Variants in TBX19 observed in about 807,000 individuals in gnomAD.
TBX19 encodes the protein T-box transcription factor TBX19.
A neutral mutation model predicts 40.9 loss-of-function variants in TBX19; 33 were observed. That is an observed-to-expected ratio of 0.81 (90% CI 0.61 to 1.08). The LOEUF is 1.08. TBX19 is among the 50% of genes least tolerant of loss of function. TBX19 has a pLI of 0.00. For synonymous variants in TBX19, 220 were observed against 225.0 expected (o/e 0.98, Z 0.20); for missense variants, 494 against 574.0 (o/e 0.86, Z 1.42).
intron 1 of TBX19, among the ~76,000 whole-genome samples, chr1:168,286,518 C>T (rs745670534): frequency 7.2e-5 from 11 of 152,184 alleles, no homozygotes; most frequent in African/African-American, 1.4e-4. Flanking sequence ...TTTTACTTAG[C>T]GTAATGTGGT....
At chr1:168,303,158 A>G (rs1000852498) in intron 5 of TBX19, among the ~76,000 whole-genome samples, 2 of 152,100 alleles carry the variant, frequency 1.3e-5, no homozygotes, top group Non-Finnish European at 2.9e-5. Context: ...CGTCATTTAC[A>G]TTAGATATAT....
intron 6 of TBX19, 22 bp from the exon 7 acceptor site, chr1:168,308,719 TC>T (rs1558195445): frequency 6.2e-7 from 1 of 1,614,120 alleles, no homozygotes; most frequent in East Asian, 2.2e-5. Flanking sequence ...TGCTATCAAT[TC>T]AACTGTTGTT....
chr1:168,295,996 T>TA (rs1218955860), intron 3 of TBX19, among the ~76,000 whole-genome samples: 1 of 152,220 alleles, frequency 6.6e-6, no homozygotes, highest in Non-Finnish European at 1.5e-5. Flanking sequence ...CCTGACTCGC[T>TA]ACTCCTGGGT....
At chr1:168,284,592 T>C (rs1648756346) in intron 1 of TBX19, among the ~76,000 whole-genome samples, 1 of 151,660 alleles carries the variant, frequency 6.6e-6, no homozygotes, top group African/African-American at 2.4e-5. Flanking sequence ...CTGGGCAACA[T>C]GGAGAAACCC....
At chr1:168,301,212 T>C (rs1002607969) in intron 5 of TBX19, among the ~76,000 whole-genome samples, 12 of 152,186 alleles carry the variant, frequency 7.9e-5, no homozygotes, top group African/African-American at 2.7e-4. Flanking sequence ...TACTGCACCT[T>C]CCATAACAGA....
At chr1:168,290,277 T>G (rs1648905571) in intron 1 of TBX19, among the ~76,000 whole-genome samples, 1 of 152,218 alleles carries the variant, frequency 6.6e-6, no homozygotes, top group African/African-American at 2.4e-5. Context: ...GAGAGTAAAC[T>G]TGTTGTTATT....
At chr1:168,304,427 C>T (rs796858812) in intron 5 of TBX19, among the ~76,000 whole-genome samples, 74 of 152,048 alleles carry the variant, frequency 4.9e-4, no homozygotes, top group African/African-American at 1.7e-3. Context: ...GTCAGATATG[C>T]CAAAAACCTG....
At chr1:168,303,306 C>G (rs959298607) in intron 5 of TBX19, among the ~76,000 whole-genome samples, 1 of 152,032 alleles carries the variant, frequency 6.6e-6, no homozygotes, top group Admixed American at 6.6e-5. Context: ...GTTTTTTGTC[C>G]TTGCGATAGT....
At chr1:168,291,644 G>T (rs1417144510) in intron 2 of TBX19, among the ~76,000 whole-genome samples, 4 of 152,208 alleles carry the variant, frequency 2.6e-5, no homozygotes, top group African/African-American at 9.6e-5. Context: ...GAGAGTGAGA[G>T]AGCAGTGGTT....
chr1:168,293,851 C>G (rs892969424), intron 3 of TBX19, among the ~76,000 whole-genome samples: 1 of 152,168 alleles, frequency 6.6e-6, no homozygotes, highest in Non-Finnish European at 1.5e-5. Context: ...TTCACATGAT[C>G]TGCTGATAAT....
chr1:168,294,146 G>A (rs1446033765), intron 3 of TBX19, among the ~76,000 whole-genome samples: 1 of 152,062 alleles, frequency 6.6e-6, no homozygotes, highest in Non-Finnish European at 1.5e-5. Flanking sequence ...ATTGGCTCAT[G>A]TTGTATATAT....
rs1222816391 is a variant in TBX19, at chr1:168,294,355, C to T, written c.603+1077C>T. On this transcript the variant is annotated intron_variant, in intron 3 of 7. Transcript: ENST00000367821. ...ACTGTTTTCTTTTTTTTTTTTGAGA[C>T]AGAGTTTCACTCTTGTTGCGCAGGC... 2.7e-5 allele frequency among the ~76,000 whole-genome samples: 4 copies of T among 150,938 alleles called. No individual in the cohort carries two copies. In the East Asian group the frequency reaches 7.8e-4, roughly 29 times the overall value.
At chr1:168,301,790 A>G (rs996102831) in intron 5 of TBX19, among the ~76,000 whole-genome samples, 4 of 152,174 alleles carry the variant, frequency 2.6e-5, no homozygotes, top group African/African-American at 9.7e-5. Flanking sequence ...CTGATTGGTT[A>G]TATATTGTTC....
chr1:168,296,014 A>G (rs1649095388), intron 3 of TBX19, among the ~76,000 whole-genome samples: 1 of 152,138 alleles, frequency 6.6e-6, no homozygotes, highest in Non-Finnish European at 1.5e-5. Context: ...GGTCTTGAAC[A>G]TGCTCCATGG....
chr1:168,305,787 T>C (rs1434414524), intron 6 of TBX19, among the ~76,000 whole-genome samples: 1 of 152,232 alleles, frequency 6.6e-6, no homozygotes, highest in Non-Finnish European at 1.5e-5. Context: ...TATTGCCTTT[T>C]CCACCTTTGC....
intron 5 of TBX19, among the ~76,000 whole-genome samples, chr1:168,304,245 T>A (rs2102361030): frequency 6.6e-6 from 1 of 152,342 alleles, no homozygotes; most frequent in African/African-American, 2.4e-5. Flanking sequence ...TTAGGTTACC[T>A]TTTTCAGAGG....
intron 5 of TBX19, among the ~76,000 whole-genome samples, chr1:168,301,275 T>C (rs1649268481): frequency 6.6e-6 from 1 of 151,972 alleles, no homozygotes; most frequent in Admixed American, 6.6e-5. Context: ...GCACTCTTTT[T>C]TTTTTGAGAT....
In TBX19 at chr1:168,291,374, A is replaced by G. The variant is rs572281043; in HGVS notation, c.418A>G (p.Ile140Val). 9 of 1,614,184 alleles carry G rather than the reference A, an allele frequency of 5.6e-6. No individual in the cohort carries two copies. In the African/African-American group the frequency reaches 1.2e-4, roughly 22 times the overall value. The change falls in exon 2 of 8, where the codon ATC becomes GTC. Residue 140 changes from isoleucine (I) to valine (V), a missense_variant. Physicochemically the swap from Ile to Val is conservative, Grantham distance 29. Transcript: ENST00000367821. ...NFGAHWMKAP[I>V]SFSKVKLTNK... ...TGGGGCCCACTGGATGAAAGCTCCC[A>G]TCTCCTTCAGCAAAGTGAAGCTGAC...
chr1:168,307,730 T>C lies in TBX19; in HGVS notation c.917-1012T>C, dbSNP rs1649435999. 2.0e-5 allele frequency among the ~76,000 whole-genome samples: 3 copies of C among 152,236 alleles called. No individual in the cohort carries two copies. The South Asian group carries it at 6.2e-4, about 32-fold the overall frequency. On this transcript the variant is annotated intron_variant, in intron 6 of 7. Coordinates refer to ENST00000367821, the MANE Select transcript of TBX19 (RefSeq NM_005149.3). ...AGATTCAAAGAAATGGAAGACATTC[T>C]TCCCCCACCCCCATAAAAACTGTAT...
Sources: allele counts gnomAD v4.1 joint callset (sites outside exome capture counted in the v4.1 genomes callset), GRCh38; gene constraint gnomAD v4.1.1; transcripts MANE v1.5; gene names NCBI Gene and HGNC (gene_info 2026-07-23, HGNC 2026-07-21).